Variants in VMP1 observed in about 807,000 individuals in gnomAD.
VMP1 encodes vacuole membrane protein 1.
A neutral mutation model predicts 56.0 loss-of-function variants in VMP1; 11 were observed. The observed-to-expected ratio is 0.20, with a 90% CI of 0.12 to 0.32. The LOEUF is 0.32. Among genes scored for constraint, VMP1 ranks in the 10% least tolerant of loss-of-function variants. The pLI is 1.00. For synonymous variants in VMP1, 149 were observed against 165.0 expected (o/e 0.90, Z 0.74); for missense variants, 296 against 490.3 (o/e 0.60, Z 3.74).
chr17:59,759,035 A>G (rs773031601), intron 5 of VMP1, among the ~76,000 whole-genome samples: 3 of 152,170 alleles, frequency 2.0e-5, no homozygotes, highest in Non-Finnish European at 4.4e-5. Flanking sequence ...GCAGTGAGCC[A>G]AGATCTTGCC....
chr17:59,791,816 T>A (rs927621360), intron 7 of VMP1, among the ~76,000 whole-genome samples: 7 of 152,192 alleles, frequency 4.6e-5, no homozygotes, highest in Non-Finnish European at 8.8e-5. Context: ...CTTGCCGTTG[T>A]CTGTATTGAA....
chr17:59,722,911 T>A (rs1395577939), intron 1 of VMP1, among the ~76,000 whole-genome samples: 1 of 152,184 alleles, frequency 6.6e-6, no homozygotes, highest in Non-Finnish European at 1.5e-5. Context: ...AACTCCTAAA[T>A]CACATTTTGG....
At chr17:59,742,057 G>A (rs1200891761) in intron 5 of VMP1, among the ~76,000 whole-genome samples, 1 of 152,166 alleles carries the variant, frequency 6.6e-6, no homozygotes, top group African/African-American at 2.4e-5. Context: ...TTATGTGAAA[G>A]TATGTGAAAA....
intron 10 of VMP1, among the ~76,000 whole-genome samples, chr17:59,825,196 C>G (rs1259975121): frequency 6.7e-6 from 1 of 148,798 alleles, no homozygotes; most frequent in East Asian, 2.0e-4. Flanking sequence ...AAGCGATTCT[C>G]CCGAGTAGCT....
At chr17:59,779,678 A>G (rs2036751421) in intron 7 of VMP1, among the ~76,000 whole-genome samples, 2 of 152,192 alleles carry the variant, frequency 1.3e-5, no homozygotes, top group Non-Finnish European at 2.9e-5. Flanking sequence ...AAATCACCCC[A>G]ACATTTAGTG....
At chr17:59,816,393 A>T (rs2038231995) in intron 9 of VMP1, among the ~76,000 whole-genome samples, 2 of 152,224 alleles carry the variant, frequency 1.3e-5, no homozygotes, top group African/African-American at 4.8e-5. Context: ...TAGCCTTGCT[A>T]GCTTCATAAT....
chr17:59,792,880 ATTATTATT>A lies in VMP1; in HGVS notation c.715-15915_715-15908del, dbSNP rs1568157926. On this transcript the variant is annotated intron_variant, in intron 7 of 11. Transcript: ENST00000262291. ...AATAATAATAATAATAATAATAATTATTATTATTATTATCAGATGAGTGGCTGGGCATG... is the reference window on the plus strand; with the variant it reads ...AATAATAATAATAATAATAATAATTAATTATCAGATGAGTGGCTGGGCATG... Among the ~76,000 whole-genome samples, 25 of 88,950 alleles carry A rather than the reference ATTATTATT, an allele frequency of 2.8e-4. 1 individual carries two copies. The highest frequency in any genetic ancestry group is 5.6e-4 in the African/African-American group (17 of 30,514). The allele number at this position is 88,950 out of a possible 152,430, so 58.4% of individuals were successfully genotyped here.
intron 7 of VMP1, among the ~76,000 whole-genome samples, chr17:59,800,846 C>G (rs1303553998): frequency 1.3e-5 from 2 of 151,966 alleles, no homozygotes; most frequent in Non-Finnish European, 2.9e-5. Flanking sequence ...CGTTAGGAGC[C>G]TGAGGTGGGC....
chr17:59,750,465 CTAATTTT>C (rs1264590023), intron 5 of VMP1, among the ~76,000 whole-genome samples: 1 of 151,990 alleles, frequency 6.6e-6, no homozygotes, highest in Non-Finnish European at 1.5e-5. Context: ...CCACACCCGG[CTAATTTT>C]TGTATTTTTA....
intron 1 of VMP1, among the ~76,000 whole-genome samples, chr17:59,713,683 C>CTTT (rs3064256): frequency 2.8e-5 from 3 of 108,744 alleles, no homozygotes; most frequent in African/African-American, 3.5e-5. Context: ...CCCCATCTCT[C>CTTT]TTTTTTTTTT....
chr17:59,778,686 T>G (rs2144059809), intron 7 of VMP1, among the ~76,000 whole-genome samples: 2 of 152,310 alleles, frequency 1.3e-5, no homozygotes, highest in South Asian at 4.2e-4. Context: ...CATGTATCAG[T>G]GTCTATTGAT....
intron 8 of VMP1, 139 bp from the exon 9 acceptor site, chr17:59,811,531 A>C (rs2038050967): frequency 1.6e-6 from 1 of 642,122 alleles, no homozygotes; most frequent in South Asian, 2.0e-5. Flanking sequence ...CCTTTTGAAC[A>C]ATCCAGTAGT....
intron 1 of VMP1, among the ~76,000 whole-genome samples, chr17:59,725,960 T>C (rs556898142): frequency 1.3e-5 from 2 of 152,176 alleles, no homozygotes; most frequent in African/African-American, 4.8e-5. Context: ...CCAAAATGTT[T>C]TGGGTAAAAC....
chr17:59,838,297 C>G lies in VMP1; in HGVS notation c.977C>G (p.Ala326Gly). The G allele has an allele frequency of 1.2e-6, 2 of 1,613,826 alleles. No homozygotes were observed. Among genetic ancestry groups the G allele is most frequent in the Non-Finnish European group, 1.7e-6 (2 of 1,179,852 alleles). ...IVEQMVAFIG[A>G]VPGIGPSLQK... ...GGGCTACTGTACCCTGCTTCCAGTGCTGTCCCCGGCATAGGTCCATCTCTG... is the reference window on the plus strand; with the variant it reads ...GGGCTACTGTACCCTGCTTCCAGTGGTGTCCCCGGCATAGGTCCATCTCTG... The change falls in exon 11 of 12, where the codon GCT becomes GGT. Residue 326 changes from alanine to glycine, a missense_variant and splice_region_variant. Ala to Gly is a moderately conservative substitution (Grantham distance 60). Around this residue, in one of 4 missense-constraint regions of VMP1, gnomAD observed 95 missense variants for 137.6 expected, o/e 0.69. Transcript: ENST00000262291.
chr17:59,730,202 G>A (rs563680898), intron 1 of VMP1, among the ~76,000 whole-genome samples: 62 of 152,008 alleles, frequency 4.1e-4, no homozygotes, highest in African/African-American at 1.4e-3. Flanking sequence ...TTGCAGGCCC[G>A]ATACACGCTT....
intron 3 of VMP1, among the ~76,000 whole-genome samples, chr17:59,736,339 G>T (rs1307855062): frequency 1.3e-5 from 2 of 151,024 alleles, no homozygotes; most frequent in Non-Finnish European, 2.9e-5. Flanking sequence ...GGAGGCAGAG[G>T]TTGCAGTGAA....
chr17:59,720,609 A>T (rs1349780922), intron 1 of VMP1, among the ~76,000 whole-genome samples: 1 of 152,212 alleles, frequency 6.6e-6, no homozygotes, highest in African/African-American at 2.4e-5. Context: ...GCATTTAAAA[A>T]TATTAAACAG....
chr17:59,777,792 C>T (rs2036675044), intron 7 of VMP1, among the ~76,000 whole-genome samples: 2 of 151,630 alleles, frequency 1.3e-5, no homozygotes, highest in African/African-American at 4.8e-5. Flanking sequence ...CCAGCCTGGG[C>T]GACACAGCAA....
chr17:59,735,392 T>A lies in VMP1; in HGVS notation c.131T>A (p.Ile44Asn). The A allele has an allele frequency of 6.2e-7, 1 of 1,614,168 alleles. No individual in the cohort carries two copies. Among genetic ancestry groups the A allele is most frequent in the Non-Finnish European group, 8.5e-7 (1 of 1,180,018 alleles). Residue 44 changes from isoleucine (I) to asparagine (N), a missense_variant, in exon 3 of 12, where the codon ATT (isoleucine) becomes AAT (asparagine). Physicochemically the swap from Ile to Asn is moderately radical, Grantham distance 149 (BLOSUM62 -3). Coordinates refer to ENST00000262291, the MANE Select transcript of VMP1 (RefSeq NM_030938.5). ...KRREREERQN[I>N]VLWRQPLITL... ...AGGGAGCGGGAAGAAAGGCAGAATA[T>A]TGTCCTGTGGAGACAGCCGCTCATT...
Sources: gnomAD v4.1 joint callset for allele counts (sites outside exome capture counted in the v4.1 genomes callset) on GRCh38, gnomAD v4.1.1 for gene constraint, gnomAD v4.1.1 regional missense constraint, MANE v1.5 for transcripts, NCBI Gene and HGNC (gene_info 2026-07-23, HGNC 2026-07-21) for gene names.